Variants in ASTN2 observed in about 807,000 individuals in gnomAD.
The protein encoded by ASTN2 is astrotactin-2.
ASTN2 carries 54 observed loss-of-function variants against 139.8 expected under a neutral mutation model. The observed-to-expected ratio is 0.39, with a 90% CI of 0.31 to 0.48. The LOEUF is 0.48. ASTN2 is among the 20% of genes least tolerant of loss of function. The probability of loss-of-function intolerance (pLI) is 0.95; values close to 1 mark genes in which losing one functional copy is unlikely to be tolerated. For synonymous variants in ASTN2, 756 were observed against 719.5 expected, an observed-to-expected ratio of 1.05 and a Z score of -0.81; for missense variants, 1,565 against 1,725.1, an observed-to-expected ratio of 0.91 and a Z score of 1.64.
intron 1 of ASTN2, among the ~76,000 whole-genome samples, chr9:117,337,718 C>T (rs1432116446): frequency 1.3e-5 from 2 of 151,952 alleles, no homozygotes; most frequent in African/African-American, 2.4e-5. Flanking sequence ...GGGGAGCTTC[C>T]CTTTAAATAA....
chr9:116,657,137 C>A (rs1465726555), intron 16 of ASTN2, among the ~76,000 whole-genome samples: 2 of 152,144 alleles, frequency 1.3e-5, no homozygotes, highest in African/African-American at 4.8e-5. Flanking sequence ...AGGACCCACA[C>A]AAATATCTTT....
intron 16 of ASTN2, among the ~76,000 whole-genome samples, chr9:116,694,050 G>A (rs1444089258): frequency 6.6e-6 from 1 of 152,168 alleles, no homozygotes; most frequent in Non-Finnish European, 1.5e-5. Context: ...AGGTTTTCCT[G>A]GCAAAGCATG....
rs995707058 is a variant in ASTN2, at chr9:116,687,312, G to A, written c.2807-35519C>T. 7.1e-6 allele frequency: 7 copies of A among 981,860 alleles called. No individual in the cohort carries two copies. The African/African-American group carries it at 8.8e-5, about 12-fold the overall frequency. The allele number at this position is 981,860 out of a possible 1,614,324, so 60.8% of individuals were successfully genotyped here. A position where few individuals can be genotyped will look rare whatever the true frequency, so the allele number is the denominator to read the frequency against. On this transcript the variant is annotated intron_variant, in intron 16 of 22. Transcript: ENST00000313400. ...TGGCGCCCGGCAAGGGGTGCTCAAC[G>A]GCGCGTGCGCAGAGGGAGGCAGGCG...
chr9:117,219,230 G>A (rs1283537947), intron 2 of ASTN2, among the ~76,000 whole-genome samples: 2 of 152,126 alleles, frequency 1.3e-5, no homozygotes, highest in Admixed American at 6.5e-5. Flanking sequence ...CACACCCATA[G>A]AATTACATAC....
At chr9:116,837,487 C>G (rs115586599) in intron 11 of ASTN2, among the ~76,000 whole-genome samples, 3,913 of 152,258 alleles carry the variant, frequency 0.026, 191 homozygotes, top group African/African-American at 0.09. Context: ...TGGGCTCCCC[C>G]GAGCTTCTTC....
rs983415333 is a variant in ASTN2 at position 116,776,199 on chromosome 9, T to A, written c.2396+29433A>T. 2.0e-5 allele frequency among the ~76,000 whole-genome samples: 3 copies of A among 152,018 alleles called. No homozygotes were observed. The South Asian group carries it at 6.2e-4, about 31-fold the overall frequency. Reference sequence around the variant, plus strand: ...TGCATTCTGTGGGGTTTGTATTCTATGTGATCTTTTATGTGTCTGCTTTCT... The same window carrying A: ...TGCATTCTGTGGGGTTTGTATTCTAAGTGATCTTTTATGTGTCTGCTTTCT... On this transcript the variant is annotated intron_variant, in intron 13 of 22. Coordinates refer to ENST00000313400, the MANE Select transcript of ASTN2 (RefSeq NM_001365068.1).
At chr9:117,270,597 C>G (rs1305528067) in intron 2 of ASTN2, among the ~76,000 whole-genome samples, 1 of 152,182 alleles carries the variant, frequency 6.6e-6, no homozygotes, top group East Asian at 1.9e-4. Context: ...TACCCCTGTA[C>G]CTGGCATAAG....
intron 16 of ASTN2, among the ~76,000 whole-genome samples, chr9:116,702,489 G>GTGTT (rs1360494122): frequency 6.6e-6 from 1 of 151,932 alleles, no homozygotes; most frequent in Non-Finnish European, 1.5e-5. Context: ...ATAAATCACT[G>GTGTT]TGTTGCAATT....
At chr9:116,968,898 C>CAA (rs34706777) in intron 10 of ASTN2, among the ~76,000 whole-genome samples, 6,642 of 93,422 alleles carry the variant, frequency 0.071, 323 homozygotes, top group African/African-American at 0.16. Flanking sequence ...GACTCTGTCT[C>CAA]AAAAAAAAAA....
intron 19 of ASTN2, among the ~76,000 whole-genome samples, chr9:116,508,485 AGTGTGT>A (rs112019921): frequency 6.7e-6 from 1 of 150,092 alleles, no homozygotes; most frequent in African/African-American, 2.4e-5. Flanking sequence ...TGTGAGTGTG[AGTGTGT>A]GTGTGTGTGT....
chr9:116,986,527 C>G (rs1455830114), intron 7 of ASTN2, among the ~76,000 whole-genome samples: 1 of 152,094 alleles, frequency 6.6e-6, no homozygotes, highest in Non-Finnish European at 1.5e-5. Flanking sequence ...TGAGCTCTGC[C>G]CAGGATGGGG....
intron 3 of ASTN2, among the ~76,000 whole-genome samples, chr9:117,199,298 T>C (rs904813531): frequency 6.6e-6 from 1 of 152,234 alleles, no homozygotes; most frequent in Admixed American, 6.5e-5. Context: ...CATCTTGATT[T>C]AATTTTTGTA....
chr9:117,270,265 T>C (rs1834033517), intron 2 of ASTN2, among the ~76,000 whole-genome samples: 1 of 152,204 alleles, frequency 6.6e-6, no homozygotes, highest in African/African-American at 2.4e-5. Context: ...ATAGGTGTAA[T>C]GTGGTGCAGC....
At chr9:117,298,555 G>T (rs1834790191) in intron 1 of ASTN2, among the ~76,000 whole-genome samples, 1 of 151,732 alleles carries the variant, frequency 6.6e-6, no homozygotes, top group Non-Finnish European at 1.5e-5. Context: ...TTAGCTGTTA[G>T]GTTGGTCTTG....
At chr9:116,657,092 G>A (rs1243284413) in intron 16 of ASTN2, among the ~76,000 whole-genome samples, 1 of 152,154 alleles carries the variant, frequency 6.6e-6, no homozygotes, top group Non-Finnish European at 1.5e-5. Context: ...ACTGTCTCCT[G>A]TTGGAAGAAA....
At chr9:116,781,993 TG>T (rs1830231422) in intron 13 of ASTN2, among the ~76,000 whole-genome samples, 1 of 152,154 alleles carries the variant, frequency 6.6e-6, no homozygotes, top group Admixed American at 6.5e-5. Context: ...AAACCCCAGT[TG>T]GTCTAACTCC....
intron 4 of ASTN2, among the ~76,000 whole-genome samples, chr9:117,128,841 C>T (rs2132832502): frequency 6.6e-6 from 1 of 152,340 alleles, no homozygotes; most frequent in South Asian, 2.1e-4. Flanking sequence ...CAAGTCCCAT[C>T]TTACATGGAT....
chr9:117,043,157 C>T (rs1045895372), intron 5 of ASTN2, among the ~76,000 whole-genome samples: 1 of 152,182 alleles, frequency 6.6e-6, no homozygotes, highest in Non-Finnish European at 1.5e-5. Flanking sequence ...AGGCACGAAC[C>T]ACCATGCCTG....
At chr9:117,362,949 A>AATAT (rs1238574541) in intron 1 of ASTN2, among the ~76,000 whole-genome samples, 1 of 152,116 alleles carries the variant, frequency 6.6e-6, no homozygotes, top group African/African-American at 2.4e-5. Flanking sequence ...TTATATAACT[A>AATAT]ATAAGCCTCT....
Sources: gnomAD v4.1 joint callset for allele counts (sites outside exome capture counted in the v4.1 genomes callset) on GRCh38, gnomAD v4.1.1 for gene constraint, MANE v1.5 for transcripts, NCBI Gene and HGNC (gene_info 2026-07-23, HGNC 2026-07-21) for gene names.